The following COL12A1 variants were observed in gnomAD, a reference collection of about 807,000 sequenced individuals.
COL12A1 encodes the protein collagen alpha-1(XII) chain.
In COL12A1, 114 loss-of-function variants were observed where a neutral mutation model predicts 349.7. The ratio of observed to expected loss-of-function variants is 0.33; its 90% CI spans 0.28 to 0.38. The LOEUF (loss-of-function observed/expected upper bound fraction) is 0.38. COL12A1 is among the 10% of genes least tolerant of loss of function. The pLI, the probability that COL12A1 is intolerant of heterozygous loss-of-function variation, is 1.00. For missense variants in COL12A1, 3,284 were observed against 3,756.9 expected (o/e 0.87, Z 3.29); for synonymous variants, 1,369 against 1,329.0 (o/e 1.03, Z -0.66).
chr6:75,189,598 A>G lies in COL12A1; in HGVS notation c.612T>C (p.Leu204=). The G allele has an allele frequency of 1.2e-6, 2 of 1,613,244 alleles. No individual in the cohort carries two copies. The highest frequency in any genetic ancestry group is 1.7e-6 in the Non-Finnish European group (2 of 1,179,468). The change falls in exon 6 of 66, where the codon CTT becomes CTC. Residue 204 remains leucine, a synonymous_variant. Coordinates refer to ENST00000322507, the MANE Select transcript of COL12A1 (RefSeq NM_004370.6). ...TATATGGAATTTTTTTTATTGCAGCAAGAAGTTCATCCCTTTGGTAGTACT... is the reference window on the plus strand; with the variant it reads ...TATATGGAATTTTTTTTATTGCAGCGAGAAGTTCATCCCTTTGGTAGTACT... ...LNQYYQRDEL[L]AAIKKIPYKG...
intron 46 of COL12A1, among the ~76,000 whole-genome samples, chr6:75,117,835 CAG>C (rs1769162127): frequency 1.3e-5 from 2 of 152,182 alleles, no homozygotes; most frequent in Non-Finnish European, 2.9e-5. Context: ...CTGCCTTCCA[CAG>C]ATCCACAGTC....
At chr6:75,119,223 C>G in intron 45 of COL12A1, 37 bp from the exon 46 acceptor site, 1 of 1,613,460 alleles carries the variant, frequency 6.2e-7, no homozygotes, top group Middle Eastern at 1.7e-4. Context: ...AGTGTCACTT[C>G]AGTGAAAACT....
intron 40 of COL12A1, 105 bp downstream of exon 40, chr6:75,125,022 T>A: frequency 9.1e-7 from 1 of 1,096,652 alleles, no homozygotes; most frequent in Non-Finnish European, 1.2e-6. Flanking sequence ...GCCTACATAA[T>A]GCTGAGGAAA....
At position 75,117,349 on chromosome 6, in the gene COL12A1, T is replaced by A. The variant is rs370580301; in HGVS notation, c.7519+33A>T. The A allele has an allele frequency of 8.8e-6, 14 of 1,597,750 alleles. No homozygotes were observed. In the African/African-American group the frequency reaches 1.7e-4, roughly 20 times the overall value. On this transcript the variant is annotated intron_variant, in intron 47 of 65. Coordinates refer to ENST00000322507, the MANE Select transcript of COL12A1 (RefSeq NM_004370.6). ...CTAAGTAATTGTTTTTCAGAATAAG[T>A]GAGGTTATAGATCCATGTTGACTGT...
At chr6:75,172,054 G>C (rs192322493) in intron 13 of COL12A1, among the ~76,000 whole-genome samples, 4 of 152,186 alleles carry the variant, frequency 2.6e-5, no homozygotes, top group Admixed American at 2.6e-4. Context: ...TTCTTCTCAG[G>C]AAATAGAAAA....
rs1767496639 is a variant in COL12A1, at chr6:75,086,532, G to A, written c.*15C>T. On this transcript the variant is annotated 3_prime_UTR_variant, in exon 66 of 66. Coordinates refer to ENST00000322507, the MANE Select transcript of COL12A1 (RefSeq NM_004370.6). ...TATTCAAACTGTAAGCAGCACTGGC[G>A]ACTTAGAAAATGTGTTAGCCGGAAC... 7 of 1,606,520 alleles carry A rather than the reference G, an allele frequency of 4.4e-6. No individual in the cohort carries two copies. Among genetic ancestry groups the A allele is most frequent in the East Asian group, 2.2e-5 (1 of 44,486 alleles).
chr6:75,155,888 TG>T, intron 15 of COL12A1, 34 bp from the exon 16 acceptor site: 24 of 1,562,584 alleles, frequency 1.5e-5, no homozygotes, highest in Non-Finnish European at 2.1e-5. Context: ...AAATATTATC[TG>T]TAAGACTAGG....
chr6:75,097,841 C>T (rs942298898), intron 58 of COL12A1, among the ~76,000 whole-genome samples: 6 of 152,110 alleles, frequency 3.9e-5, no homozygotes, highest in African/African-American at 1.4e-4. Context: ...TTCATTTTTC[C>T]CTTTGGTGCG....
At chr6:75,101,799 C>G in intron 57 of COL12A1, 146 bp from the exon 58 acceptor site, 1 of 995,830 alleles carries the variant, frequency 1.0e-6, no homozygotes, top group South Asian at 1.6e-5. Flanking sequence ...GCCAAGCATA[C>G]AGTAGATGCT....
intron 64 of COL12A1, among the ~76,000 whole-genome samples, chr6:75,088,256 T>C (rs1767597047): frequency 6.6e-6 from 1 of 152,142 alleles, no homozygotes; most frequent in Non-Finnish European, 1.5e-5. Context: ...AAGAAATCAT[T>C]TACAACCTAG....
Position 75,085,226 on chromosome 6 carries a change from G to A in COL12A1, c.*1321C>T, listed in dbSNP as rs1209226251. On this transcript the variant is annotated 3_prime_UTR_variant, in exon 66 of 66. Coordinates refer to ENST00000322507, the MANE Select transcript of COL12A1 (RefSeq NM_004370.6). Reference sequence around the variant, plus strand: ...GTCCGTGGGGCAGGGCGCGCCGCCAGCGCCGGTGGGGCTCAGGAGGCTCCT... The same window carrying A: ...GTCCGTGGGGCAGGGCGCGCCGCCAACGCCGGTGGGGCTCAGGAGGCTCCT... 1 of 469,382 alleles carries A rather than the reference G, an allele frequency of 2.1e-6. No homozygotes were observed. 29.1% of individuals were successfully genotyped at this position (469,382 alleles called of 1,614,324 possible). A position where few individuals can be genotyped will look rare whatever the true frequency, so the allele number is the denominator to read the frequency against.
At chr6:75,186,137 A>G (rs1769605290) in intron 8 of COL12A1, among the ~76,000 whole-genome samples, 2 of 152,246 alleles carry the variant, frequency 1.3e-5, no homozygotes, top group South Asian at 4.1e-4. Context: ...TAAATTAAAG[A>G]GTTTCTGCAT....
chr6:75,085,173 G>A lies in COL12A1; in HGVS notation c.*1374C>T. 1 of 458,810 alleles carries A rather than the reference G, an allele frequency of 2.2e-6. No individual in the cohort carries two copies. The highest frequency in any genetic ancestry group is 4.5e-6 in the Non-Finnish European group (1 of 222,234). The allele number at this position is 458,810 out of a possible 1,614,324, so 28.4% of individuals were successfully genotyped here. On this transcript the variant is annotated 3_prime_UTR_variant, in exon 66 of 66. Transcript: ENST00000322507. ...ACACCTCCCCCAAGCCTCGCGGCGC[G>A]GCGCGTGATCTCTGGTTCACTGCCC...
intron 59 of COL12A1, among the ~76,000 whole-genome samples, chr6:75,096,168 C>T (rs1768015840): frequency 6.6e-6 from 1 of 152,114 alleles, no homozygotes; most frequent in African/African-American, 2.4e-5. Flanking sequence ...GCCAATATGT[C>T]ATGTTCTAAA....
At chr6:75,185,085 C>T (rs1769540021) in intron 8 of COL12A1, among the ~76,000 whole-genome samples, 1 of 152,176 alleles carries the variant, frequency 6.6e-6, no homozygotes, top group South Asian at 2.1e-4. Context: ...CCCTCTCTCA[C>T]CACTCCTATT....
chr6:75,145,138 C>A lies in COL12A1; in HGVS notation c.4690+188G>T, dbSNP rs74698254. Among the ~76,000 whole-genome samples, 276 of 152,230 alleles carry A rather than the reference C, an allele frequency of 1.8e-3. 1 individual carries two copies. The highest frequency in any genetic ancestry group is 6.3e-3 in the African/African-American group (261 of 41,546). ...TCAATGTGAAAAAAATACACATCCT[C>A]GAATGAATTTGAGATGCCTCCATAA... is the stretch of plus-strand genomic sequence containing the variant. On this transcript the variant is annotated intron_variant, in intron 25 of 65. Transcript: ENST00000322507.
chr6:75,172,529 TTG>T (rs1768690447), intron 13 of COL12A1, among the ~76,000 whole-genome samples: 2 of 152,144 alleles, frequency 1.3e-5, no homozygotes, highest in Admixed American at 1.3e-4. Flanking sequence ...GAGTGAAAGT[TTG>T]TCCTCTAAAA....
At chr6:75,162,505 T>C (rs1022838079) in intron 14 of COL12A1, among the ~76,000 whole-genome samples, 7 of 152,106 alleles carry the variant, frequency 4.6e-5, no homozygotes, top group Non-Finnish European at 7.4e-5. Context: ...ATACAAAAAT[T>C]AACTCAAGAT....
At position 75,090,223 on chromosome 6, in the gene COL12A1, G is replaced by A. The variant is rs771043432; in HGVS notation, c.8828C>T (p.Pro2943Leu). 18 of 1,613,892 alleles carry A rather than the reference G, an allele frequency of 1.1e-5. No individual in the cohort carries two copies. Among genetic ancestry groups the A allele is most frequent in the Admixed American group, 3.3e-5 (2 of 60,006 alleles). Residue 2943 changes from proline (P) to leucine (L), a missense_variant, in exon 63 of 66, where the codon CCG becomes CTG. Pro to Leu is a moderately conservative substitution (Grantham distance 98). Coordinates refer to ENST00000322507, the MANE Select transcript of COL12A1 (RefSeq NM_004370.6). The surrounding 1 kb of genome is among the most constrained non-coding windows in gnomAD (Gnocchi z 4.1). ...DYQSSRNQPGPPGPPGPPGSA... is the reference protein window; with the variant it reads ...DYQSSRNQPGLPGPPGPPGSA... ...ACCAGGAGGTCCCGGTGGACCCGGCGGGCCTGGCTGGTTGCGACTGGACTG... is the reference window on the plus strand; with the variant it reads ...ACCAGGAGGTCCCGGTGGACCCGGCAGGCCTGGCTGGTTGCGACTGGACTG...
Sources: gnomAD v4.1 joint callset for allele counts (sites outside exome capture counted in the v4.1 genomes callset) on GRCh38, gnomAD v4.1.1 for gene constraint, Gnocchi (gnomAD v3.1) non-coding constraint, MANE v1.5 for transcripts, NCBI Gene and HGNC (gene_info 2026-07-23, HGNC 2026-07-21) for gene names.